Variants in BABAM2 observed in about 807,000 individuals in gnomAD.
BABAM2 encodes BRISC and BRCA1-A complex member 2.
Under a neutral mutation model 54.7 loss-of-function variants are expected in BABAM2, and 31 were observed. That is an observed-to-expected ratio of 0.57 (90% CI 0.43 to 0.77). The LOEUF (loss-of-function observed/expected upper bound fraction) is 0.77. Among genes scored for constraint, BABAM2 ranks in the 30% least tolerant of loss-of-function variants. The pLI is 0.00. For missense variants in BABAM2, 364 were observed against 455.8 expected, an observed-to-expected ratio of 0.80 and a Z score of 1.83; for synonymous variants, 167 against 162.9, an observed-to-expected ratio of 1.03 and a Z score of -0.19.
intron 6 of BABAM2, among the ~76,000 whole-genome samples, chr2:28,100,230 A>G (rs1666962325): frequency 6.6e-6 from 1 of 151,832 alleles, no homozygotes; most frequent in Non-Finnish European, 1.5e-5. Flanking sequence ...GCGGGTGGGG[A>G]TGCCAATCAC....
Position 28,229,205 on chromosome 2 carries a change from A to T in BABAM2, c.681-7997A>T, listed in dbSNP as rs1325872253. Among the ~76,000 whole-genome samples, 3 of 152,244 alleles carry T rather than the reference A, an allele frequency of 2.0e-5. No individual in the cohort carries two copies. In the East Asian group the frequency reaches 5.8e-4, roughly 29 times the overall value. On this transcript the variant is annotated intron_variant, in intron 7 of 11. Transcript: ENST00000379624. The stretch of plus-strand genomic sequence containing the variant: ...TAAGGACATAGAAGTCACAAAAGTG[A>T]TAACCAGAGACCTAAGAGTGGGGTA...
chr2:28,112,172 TCCC>T (rs1396052587), intron 6 of BABAM2, among the ~76,000 whole-genome samples: 2 of 52,550 alleles, frequency 3.8e-5, no homozygotes, highest in Non-Finnish European at 6.9e-5. Flanking sequence ...CCTCCCTCCC[TCCC>T]TCCCTCCCTC....
chr2:28,021,507 A>G (rs1366251766), intron 4 of BABAM2, among the ~76,000 whole-genome samples: 1 of 152,202 alleles, frequency 6.6e-6, no homozygotes, highest in African/African-American at 2.4e-5. Flanking sequence ...GTGTGCATAT[A>G]TTACTTTTTC....
In BABAM2 at chr2:27,975,777, A is replaced by G. The variant is rs62140388; in HGVS notation, c.206-12216A>G. Among the ~76,000 whole-genome samples, 1,089 of 152,198 alleles carry G rather than the reference A, an allele frequency of 7.2e-3. 3 individuals are homozygous for G. Among genetic ancestry groups the G allele is most frequent in the Non-Finnish European group, 0.012 (832 of 67,940 alleles). On this transcript the variant is annotated intron_variant, in intron 3 of 11. Transcript: ENST00000379624. ...AGGAAGAGGAGGACAAGAAGCAGTAAGAGAAAATATTTGCAAATCATGTAT... is the reference window on the plus strand; with the variant it reads ...AGGAAGAGGAGGACAAGAAGCAGTAGGAGAAAATATTTGCAAATCATGTAT...
chr2:27,988,139 A>G (rs759345889), intron 4 of BABAM2, 52 bp downstream of exon 4: 45 of 1,560,258 alleles, frequency 2.9e-5, no homozygotes, highest in Non-Finnish European at 4.0e-5. Flanking sequence ...AAGGAAAACA[A>G]AATTGGCTTT....
At chr2:27,896,520 T>C (rs562449815) in intron 2 of BABAM2, 2 of 152,456 alleles carry the variant, frequency 1.3e-5, no homozygotes, top group Admixed American at 6.5e-5. Context: ...AAGCCTAGTC[T>C]CTGCAGAAAC....
chr2:28,196,271 G>A (rs2147937409), intron 7 of BABAM2, among the ~76,000 whole-genome samples: 2 of 147,918 alleles, frequency 1.4e-5, no homozygotes, highest in Middle Eastern at 7.8e-3. Flanking sequence ...AGCTTGCAGT[G>A]AGCTGAGATT....
intron 2 of BABAM2, among the ~76,000 whole-genome samples, chr2:27,920,153 A>C (rs1242941306): frequency 1.3e-5 from 2 of 152,184 alleles, no homozygotes; most frequent in African/African-American, 4.8e-5. Flanking sequence ...ATCAACCGAG[A>C]AAATCTATCT....
intron 10 of BABAM2, among the ~76,000 whole-genome samples, chr2:28,254,806 T>G (rs1683830118): frequency 6.7e-6 from 1 of 148,840 alleles, no homozygotes; most frequent in Non-Finnish European, 1.5e-5. Flanking sequence ...ATCATCTAGC[T>G]CATTGCAGCC....
In BABAM2 at chr2:28,118,680, A is replaced by C. The variant is rs574039658; in HGVS notation, c.571-10591A>C. On this transcript the variant is annotated intron_variant, in intron 6 of 11. Transcript: ENST00000379624. ...CTCCCATTCTGTAGGTTGCCTGTTC[A>C]CTCCAACGATACTTTCTTTTGCTGT... is the stretch of plus-strand genomic sequence containing the variant. Among the ~76,000 whole-genome samples, 6 of 151,820 alleles carry C rather than the reference A, an allele frequency of 4.0e-5. No homozygotes were observed. The East Asian group carries it at 1.2e-3, about 29-fold the overall frequency.
At chr2:27,905,916 G>T (rs1666155574) in intron 2 of BABAM2, among the ~76,000 whole-genome samples, 1 of 152,172 alleles carries the variant, frequency 6.6e-6, no homozygotes, top group African/African-American at 2.4e-5. Context: ...ATTTGATTAG[G>T]TTGAAAAATG....
rs996537054 is a variant in BABAM2 at position 28,271,380 on chromosome 2, G to A, written c.934+26518G>A. 3.3e-5 allele frequency among the ~76,000 whole-genome samples: 5 copies of A among 152,224 alleles called. No homozygotes were observed. The East Asian group carries it at 7.7e-4, about 23-fold the overall frequency. On this transcript the variant is annotated intron_variant, in intron 10 of 11. Coordinates refer to ENST00000379624, the MANE Select transcript of BABAM2 (RefSeq NM_199191.3). ...GATTTGTTCCTTCAAGGATTCCCCA[G>A]CCAGTCAGTGAACCAACATGATTTC...
chr2:28,179,522 T>A (rs941523969), intron 7 of BABAM2, among the ~76,000 whole-genome samples: 7 of 152,140 alleles, frequency 4.6e-5, no homozygotes, highest in Non-Finnish European at 8.8e-5. Context: ...GCTAATATCA[T>A]ACCAAATGGG....
intron 3 of BABAM2, among the ~76,000 whole-genome samples, chr2:27,944,910 A>G (rs144503435): frequency 0.013 from 2,000 of 151,112 alleles, 55 homozygotes; most frequent in African/African-American, 0.046. Flanking sequence ...TAGTTTTTCT[A>G]TATTCTTGCC....
chr2:28,000,480 A>G (rs370685990), intron 4 of BABAM2, among the ~76,000 whole-genome samples: 5 of 152,244 alleles, frequency 3.3e-5, no homozygotes, highest in South Asian at 4.1e-4. Context: ...CATACTATTG[A>G]TATGACTTTG....
intron 6 of BABAM2, among the ~76,000 whole-genome samples, chr2:28,059,034 GT>G (rs1487366113): frequency 6.6e-6 from 1 of 151,954 alleles, no homozygotes; most frequent in Non-Finnish European, 1.5e-5. Context: ...TGTCTCTGAG[GT>G]TTTTTGGTTT....
chr2:28,006,659 G>T (rs1290881560), intron 4 of BABAM2, among the ~76,000 whole-genome samples: 3 of 151,956 alleles, frequency 2.0e-5, no homozygotes, highest in Non-Finnish European at 4.4e-5. Flanking sequence ...AATGACCCTT[G>T]TTCATCAAGT....
chr2:28,146,275 C>T (rs73922244), intron 7 of BABAM2, among the ~76,000 whole-genome samples: 1 of 152,192 alleles, frequency 6.6e-6, no homozygotes, highest in African/African-American at 2.4e-5. Context: ...AGTCAGCAGA[C>T]TATTCTTAAG....
chr2:28,194,862 A>G (rs898665021), intron 7 of BABAM2, among the ~76,000 whole-genome samples: 1 of 151,788 alleles, frequency 6.6e-6, no homozygotes, highest in African/African-American at 2.4e-5. Context: ...TACTTGCCAA[A>G]TTTTTGCAGT....
Sources: gnomAD v4.1 joint callset for allele counts (sites outside exome capture counted in the v4.1 genomes callset) on GRCh38, gnomAD v4.1.1 for gene constraint, MANE v1.5 for transcripts, NCBI Gene and HGNC (gene_info 2026-07-23, HGNC 2026-07-21) for gene names.